The following ADGRG4 variants were observed in gnomAD, a reference collection of about 807,000 sequenced individuals.
ADGRG4 encodes adhesion G protein-coupled receptor G4.
ADGRG4 carries 122 observed loss-of-function variants against 126.2 expected under a neutral mutation model. That is an observed-to-expected ratio of 0.97 (90% CI 0.83 to 1.12). The LOEUF is 1.12. Ranked by LOEUF, ADGRG4 falls within the 50% of genes most tolerant of loss-of-function variation. The pLI, the probability that ADGRG4 is intolerant of heterozygous loss-of-function variation, is 0.00. For missense variants in ADGRG4, 2,481 were observed against 2,251.8 expected (o/e 1.10, Z -2.06); for synonymous variants, 943 against 838.7 (o/e 1.12, Z -2.15).
At chrX:136,357,780 T>TTAA (rs971882025) in intron 10 of ADGRG4, 24 bp downstream of exon 10, 18 of 1,028,719 alleles carry the variant, frequency 1.7e-5, no homozygotes, top group Non-Finnish European at 2.4e-5. Flanking sequence ...ACTGAGTTTA[T>TTAA]TAATAGCTGG....
chrX:136,323,211 C>G lies in ADGRG4; in HGVS notation c.504C>G (p.Ser168Arg). Residue 168 changes from serine to arginine, a missense_variant, in exon 5 of 26, where the codon AGC becomes AGG. Ser to Arg is a moderately radical substitution (Grantham distance 110). Transcript: ENST00000394143. ...LFLGHFLKNE[S>R]SEVKSMMRSF... ...TAGGGCACTTTCTCAAGAATGAGAG[C>G]AGCGAGGTTAAAAGCATGATGCGTA... is the stretch of plus-strand genomic sequence containing the variant. 1 of 1,211,414 alleles carries G rather than the reference C, an allele frequency of 8.3e-7. No homozygotes were observed. Among genetic ancestry groups the G allele is most frequent in the Non-Finnish European group, 1.1e-6 (1 of 895,207 alleles).
At position 136,348,189 on chromosome X, in the gene ADGRG4, C is replaced by T; in HGVS notation, c.4483C>T (p.Pro1495Ser). ...TACAGCCTTTTCTGTTCCAAATGTA[C>T]CTACAATGCTTCCTAGAGAATCCTC... is the stretch of plus-strand genomic sequence containing the variant. ...ITTAFSVPNV[P>S]TMLPRESSMA... The change falls in exon 6 of 26, where the codon CCT becomes TCT. Residue 1495 changes from proline (P) to serine (S), a missense_variant. Transcript: ENST00000394143. 3.3e-6 allele frequency: 4 copies of T among 1,207,213 alleles called. No individual in the cohort carries two copies. The highest frequency in any genetic ancestry group is 2.2e-6 in the Non-Finnish European group (2 of 891,641).
Position 136,373,432 on chromosome X carries a change from C to T in ADGRG4, c.7776+368C>T, listed in dbSNP as rs148993882. 3.7e-4 allele frequency among the ~76,000 whole-genome samples: 41 copies of T among 111,901 alleles called. No individual in the cohort carries two copies. In the East Asian group the frequency reaches 0.012, roughly 31 times the overall value. ...AAGAACACATAGCCTAATGACTAAGCCAGGATTGAAACCTATGTCTGTCTG... is the reference window on the plus strand; with the variant it reads ...AAGAACACATAGCCTAATGACTAAGTCAGGATTGAAACCTATGTCTGTCTG... On this transcript the variant is annotated intron_variant, in intron 15 of 25. Coordinates refer to ENST00000394143, the MANE Select transcript of ADGRG4 (RefSeq NM_153834.4).
At chrX:136,385,862 G>A (rs2075290035) in intron 15 of ADGRG4, among the ~76,000 whole-genome samples, 2 of 111,357 alleles carry the variant, frequency 1.8e-5, no homozygotes, top group South Asian at 7.6e-4. Flanking sequence ...TACATATGTG[G>A]TCCAGAGGTC....
intron 5 of ADGRG4, among the ~76,000 whole-genome samples, chrX:136,330,214 A>T (rs1418515360): frequency 4.5e-5 from 5 of 110,757 alleles, no homozygotes; most frequent in Non-Finnish European, 9.4e-5. Context: ...TACTAGTAGG[A>T]TCCCTCATGT....
At chrX:136,341,706 C>T (rs1238431483) in intron 5 of ADGRG4, among the ~76,000 whole-genome samples, 2 of 111,958 alleles carry the variant, frequency 1.8e-5, no homozygotes. Context: ...GTCTTTTCCC[C>T]TTAAAAATGT....
chrX:136,341,584 A>T (rs954203116), intron 5 of ADGRG4, among the ~76,000 whole-genome samples: 17 of 112,450 alleles, frequency 1.5e-4, no homozygotes, highest in East Asian at 5.6e-4. Context: ...TAAAATACTC[A>T]CTTGGCTGCT....
chrX:136,371,968 T>G (rs2075197427), intron 14 of ADGRG4, among the ~76,000 whole-genome samples: 1 of 111,798 alleles, frequency 8.9e-6, no homozygotes, highest in South Asian at 3.7e-4. Flanking sequence ...TCATAAATTT[T>G]AAAAGTCAGG....
intron 1 of ADGRG4, among the ~76,000 whole-genome samples, chrX:136,302,361 C>T: frequency 8.9e-6 from 1 of 111,847 alleles, no homozygotes; most frequent in Non-Finnish European, 1.9e-5. Flanking sequence ...AATGGGAGTT[C>T]ACTCATAATT....
chrX:136,404,472 C>T (rs1179745484), intron 22 of ADGRG4, among the ~76,000 whole-genome samples: 1 of 111,847 alleles, frequency 8.9e-6, no homozygotes, highest in Non-Finnish European at 1.9e-5. Flanking sequence ...GTAATTCATG[C>T]ACATGGAACA....
At chrX:136,307,240 TATC>T (rs1219177099) in intron 3 of ADGRG4, among the ~76,000 whole-genome samples, 1 of 112,388 alleles carries the variant, frequency 8.9e-6, no homozygotes, top group Non-Finnish European at 1.9e-5. Context: ...GCCTTCGAAA[TATC>T]ATCTCATTTG....
At chrX:136,301,273 G>T (rs1342595161) in intron 1 of ADGRG4, among the ~76,000 whole-genome samples, 1 of 111,752 alleles carries the variant, frequency 8.9e-6, no homozygotes, top group Non-Finnish European at 1.9e-5. Flanking sequence ...TTTAATGATC[G>T]CCATTCTAAC....
intron 23 of ADGRG4, among the ~76,000 whole-genome samples, chrX:136,409,629 G>T (rs921512021): frequency 9.0e-6 from 1 of 111,653 alleles, no homozygotes; most frequent in African/African-American, 3.3e-5. Context: ...GTTACACATG[G>T]AGATAAAACC....
Position 136,403,399 on chromosome X carries a change from G to A in ADGRG4, c.8654+77G>A, listed in dbSNP as rs762663543. The A allele has an allele frequency of 1.1e-4, 87 of 811,558 alleles. No homozygotes were observed. The African/African-American group carries it at 1.2e-3, about 11-fold the overall frequency. 66.9% of individuals were successfully genotyped at this position (811,558 alleles called of 1,213,427 possible). ...GTATAGTAAAATGTTCTTGGCCTGGGATTGGTCTTGACCCTTGGCTTCAGG... is the reference window on the plus strand; with the variant it reads ...GTATAGTAAAATGTTCTTGGCCTGGAATTGGTCTTGACCCTTGGCTTCAGG... On this transcript the variant is annotated intron_variant, in intron 22 of 25. Transcript: ENST00000394143.
intron 14 of ADGRG4, among the ~76,000 whole-genome samples, chrX:136,371,931 T>C (rs2075197179): frequency 9.0e-6 from 1 of 111,715 alleles, no homozygotes; most frequent in Non-Finnish European, 1.9e-5. Context: ...CGACTGTATA[T>C]ATTATCAATT....
chrX:136,324,575 C>T (rs971647810), intron 5 of ADGRG4, among the ~76,000 whole-genome samples: 2 of 111,153 alleles, frequency 1.8e-5, no homozygotes, highest in African/African-American at 6.6e-5. Context: ...CCACACCCAA[C>T]CTTATTTATG....
chrX:136,397,662 T>C (rs2075358113), intron 19 of ADGRG4, among the ~76,000 whole-genome samples: 2 of 111,209 alleles, frequency 1.8e-5, no homozygotes, highest in Non-Finnish European at 3.8e-5. Context: ...TCCAATGCTA[T>C]TGATGGCTCC....
intron 5 of ADGRG4, among the ~76,000 whole-genome samples, chrX:136,327,342 A>G (rs971195227): frequency 9.0e-6 from 1 of 110,605 alleles, no homozygotes; most frequent in African/African-American, 3.3e-5. Context: ...GGTGTAGCAC[A>G]CCAACATGGC....
In ADGRG4 at chrX:136,347,916, A is replaced by C; in HGVS notation, c.4210A>C (p.Thr1404Pro). The C allele has an allele frequency of 8.3e-7, 1 of 1,208,559 alleles. No individual in the cohort carries two copies. The highest frequency in any genetic ancestry group is 1.1e-6 in the Non-Finnish European group (1 of 892,729). Residue 1404 changes from threonine (T) to proline (P), a missense_variant, in exon 6 of 26, where the codon ACT (threonine) becomes CCT (proline). Thr to Pro is a conservative substitution (Grantham distance 38). Coordinates refer to ENST00000394143, the MANE Select transcript of ADGRG4 (RefSeq NM_153834.4). ...AATGATAGTAAACTCCACCTATGTG[A>C]CTCACTCTGTCTCATATGGCCAGGA... The part of the protein sequence containing the change: ...VEMIVNSTYV[T>P]HSVSYGQDTS...
Sources: allele counts gnomAD v4.1 joint callset (sites outside exome capture counted in the v4.1 genomes callset), GRCh38; gene constraint gnomAD v4.1.1; transcripts MANE v1.5; gene names NCBI Gene and HGNC (gene_info 2026-07-23, HGNC 2026-07-21).